The following CELF4 variants were observed in gnomAD, a reference collection of about 807,000 sequenced individuals.
CELF4 encodes CUG-BP- and ETR-3-like factor 4.
Under a neutral mutation model 59.9 loss-of-function variants are expected in CELF4, and 18 were observed. That is an observed-to-expected ratio of 0.30 (90% CI 0.21 to 0.45). The LOEUF is 0.45. CELF4 is among the 20% of genes least tolerant of loss of function. The pLI is 1.00. For missense variants in CELF4, 456 were observed against 689.0 expected (o/e 0.66, Z 3.79); for synonymous variants, 261 against 267.1 (o/e 0.98, Z 0.22).
At chr18:37,347,266 AC>A (rs926060748) in intron 2 of CELF4, among the ~76,000 whole-genome samples, 4 of 151,832 alleles carry the variant, frequency 2.6e-5, no homozygotes, top group African/African-American at 4.8e-5. Flanking sequence ...TCTCCCTGCC[AC>A]CCCCCACGCC....
chr18:37,311,572 G>C (rs995602970), intron 3 of CELF4, among the ~76,000 whole-genome samples: 2 of 152,036 alleles, frequency 1.3e-5, no homozygotes, highest in Admixed American at 1.3e-4. Context: ...GGTGGATCAC[G>C]AGGTCACGAG....
chr18:37,381,774 A>T (rs191793083), intron 2 of CELF4, among the ~76,000 whole-genome samples: 3 of 152,240 alleles, frequency 2.0e-5, no homozygotes, highest in African/African-American at 7.2e-5. Context: ...TGTCAGCCCC[A>T]GCTCTCCCTC....
intron 2 of CELF4, among the ~76,000 whole-genome samples, chr18:37,455,273 A>G (rs933012924): frequency 6.6e-6 from 1 of 152,228 alleles, no homozygotes. Flanking sequence ...CCAAGTGCAG[A>G]GCATCCAATA....
intron 1 of CELF4, among the ~76,000 whole-genome samples, chr18:37,536,125 T>G (rs1252214784): frequency 3.3e-5 from 5 of 152,038 alleles, no homozygotes; most frequent in African/African-American, 1.2e-4. Flanking sequence ...GCCTGGACAT[T>G]TTTTTGTTGT....
chr18:37,253,999 CG>C lies in CELF4; in HGVS notation c.1334-62del. Reference sequence around the variant, plus strand: ...ACGGGGCCGCCCGGGGCGCTGCCGGCGGGGAGGGGTCGGGGGACAGGGGGGC... The same window carrying C: ...ACGGGGCCGCCCGGGGCGCTGCCGGCGGGAGGGGTCGGGGGACAGGGGGGC... On this transcript the variant is annotated intron_variant, in intron 11 of 12. Coordinates refer to ENST00000420428, the MANE Select transcript of CELF4 (RefSeq NM_020180.4). This position sits in a 1 kb window ranked among gnomAD's most constrained non-coding sequence, Gnocchi z 4.5. 1 of 242,870 alleles carries C rather than the reference CG, an allele frequency of 4.1e-6. No homozygotes were observed. The highest frequency in any genetic ancestry group is 7.3e-6 in the Non-Finnish European group (1 of 136,524). 15.0% of individuals were successfully genotyped at this position (242,870 alleles called of 1,614,324 possible). A position where few individuals can be genotyped will look rare whatever the true frequency, so the allele number is the denominator to read the frequency against.
chr18:37,408,765 C>G (rs764707872), intron 2 of CELF4, among the ~76,000 whole-genome samples: 1 of 152,160 alleles, frequency 6.6e-6, no homozygotes, highest in East Asian at 1.9e-4. Context: ...CCCCCGAACA[C>G]GGGCTTCTCT....
chr18:37,334,368 C>T (rs531162918), intron 2 of CELF4, among the ~76,000 whole-genome samples: 1 of 152,150 alleles, frequency 6.6e-6, no homozygotes, highest in Non-Finnish European at 1.5e-5. Flanking sequence ...GGTTTCTGGG[C>T]CTGTCACCCT....
chr18:37,487,686 T>G (rs1333820962), intron 1 of CELF4, among the ~76,000 whole-genome samples: 1 of 152,150 alleles, frequency 6.6e-6, no homozygotes, highest in Non-Finnish European at 1.5e-5. Flanking sequence ...GGCCACTGCC[T>G]CTGCTGTACG....
intron 2 of CELF4, among the ~76,000 whole-genome samples, chr18:37,337,973 CCAT>C (rs1419100858): frequency 6.6e-6 from 1 of 152,348 alleles, no homozygotes; most frequent in Admixed American, 6.5e-5. Context: ...GTCACCACCA[CCAT>C]GTCACTGTCA....
chr18:37,317,258 A>T (rs1018687612), intron 3 of CELF4, among the ~76,000 whole-genome samples: 2 of 152,178 alleles, frequency 1.3e-5, no homozygotes, highest in Non-Finnish European at 2.9e-5. Context: ...GTGGTGGCGC[A>T]CACTTGTAAT....
chr18:37,474,721 G>T (rs1292497652), intron 2 of CELF4, among the ~76,000 whole-genome samples: 1 of 152,248 alleles, frequency 6.6e-6, no homozygotes, highest in African/African-American at 2.4e-5. Context: ...TGTCATCGGA[G>T]TTAGAGAGAC....
chr18:37,505,528 G>T (rs138759874), intron 1 of CELF4, among the ~76,000 whole-genome samples: 1 of 152,158 alleles, frequency 6.6e-6, no homozygotes, highest in Admixed American at 6.5e-5. Flanking sequence ...AGGGCCAGGT[G>T]GGGTGATTGT....
intron 2 of CELF4, among the ~76,000 whole-genome samples, chr18:37,421,124 T>C (rs1342952334): frequency 6.6e-6 from 1 of 152,206 alleles, no homozygotes; most frequent in Non-Finnish European, 1.5e-5. Context: ...TCTCCGGGCA[T>C]AGGCCCATTC....
intron 3 of CELF4, among the ~76,000 whole-genome samples, chr18:37,310,645 C>T (rs2096611572): frequency 6.6e-6 from 1 of 152,200 alleles, no homozygotes; most frequent in Admixed American, 6.5e-5. Context: ...CTCTTCCTGT[C>T]CCTCCCCCCA....
intron 2 of CELF4, among the ~76,000 whole-genome samples, chr18:37,393,794 A>G (rs2099198687): frequency 6.6e-6 from 1 of 151,314 alleles, no homozygotes; most frequent in East Asian, 1.9e-4. Context: ...GAAGGTGCGG[A>G]GCACACTTGA....
intron 1 of CELF4, among the ~76,000 whole-genome samples, chr18:37,558,471 C>T (rs568361257): frequency 7.3e-6 from 1 of 137,286 alleles, no homozygotes; most frequent in African/African-American, 2.8e-5. Flanking sequence ...TCAGGCCCCA[C>T]TTTGGGGTTT....
intron 3 of CELF4, among the ~76,000 whole-genome samples, chr18:37,308,770 C>CT (rs11419026): frequency 0.45 from 68,575 of 151,634 alleles, 15,666 homozygotes; most frequent in South Asian, 0.57. Flanking sequence ...GGATTTTCCC[C>CT]GATAAGGGTC....
intron 2 of CELF4, among the ~76,000 whole-genome samples, chr18:37,416,231 T>TATCCATCC (rs72120429): frequency 2.6e-5 from 4 of 151,550 alleles, no homozygotes; most frequent in East Asian, 1.9e-4. Context: ...TCCATTCATC[T>TATCCATCC]ATCCATCCAT....
chr18:37,328,744 G>A (rs564133630), intron 2 of CELF4, among the ~76,000 whole-genome samples: 3 of 152,154 alleles, frequency 2.0e-5, no homozygotes, highest in Admixed American at 6.5e-5. Context: ...AGATAACTCA[G>A]GTTTTATGCT....
Sources: allele counts gnomAD v4.1 joint callset (sites outside exome capture counted in the v4.1 genomes callset), GRCh38; gene constraint gnomAD v4.1.1; non-coding constraint Gnocchi (gnomAD v3.1); transcripts MANE v1.5; gene names NCBI Gene and HGNC (gene_info 2026-07-23, HGNC 2026-07-21).